The following HUNK variants were observed in gnomAD, a reference collection of about 807,000 sequenced individuals.
The protein encoded by HUNK is hormonally up-regulated neu tumor-associated kinase.
A neutral mutation model predicts 61.0 loss-of-function variants in HUNK; 21 were observed. The observed-to-expected ratio is 0.34, with a 90% CI of 0.24 to 0.50. The LOEUF is 0.50. HUNK is among the 20% of genes least tolerant of loss of function. The pLI, the probability that HUNK is intolerant of heterozygous loss-of-function variation, is 0.98. For missense variants in HUNK, 772 were observed against 945.7 expected (o/e 0.82, Z 2.41); for synonymous variants, 371 against 386.1 (o/e 0.96, Z 0.46).
chr21:31,917,754 ACACC>A (rs2052595351), intron 1 of HUNK, among the ~76,000 whole-genome samples: 2 of 126,482 alleles, frequency 1.6e-5, no homozygotes, highest in Non-Finnish European at 3.5e-5. Flanking sequence ...ACACACACAC[ACACC>A]CCTGGACTGA....
intron 7 of HUNK, among the ~76,000 whole-genome samples, chr21:31,979,205 G>T (rs555381325): frequency 1.2e-4 from 18 of 149,602 alleles, no homozygotes; most frequent in Admixed American, 6.1e-4. Flanking sequence ...TGCAACCTCT[G>T]CCTCCTGGAT....
chr21:31,955,294 A>G (rs1040797057), intron 4 of HUNK, among the ~76,000 whole-genome samples: 4 of 108,510 alleles, frequency 3.7e-5, no homozygotes, highest in African/African-American at 1.5e-4. Flanking sequence ...GCATTGATAA[A>G]GAAATACCAA....
intron 9 of HUNK, among the ~76,000 whole-genome samples, chr21:31,992,409 C>T (rs1341236785): frequency 6.6e-6 from 1 of 152,240 alleles, no homozygotes; most frequent in Non-Finnish European, 1.5e-5. Context: ...TGTCCGTGCA[C>T]ATCCGCAGTG....
chr21:31,968,001 T>A (rs997919042), intron 5 of HUNK, among the ~76,000 whole-genome samples: 1 of 152,152 alleles, frequency 6.6e-6, no homozygotes, highest in Non-Finnish European at 1.5e-5. Flanking sequence ...CTATGTGGTG[T>A]GTATTTTTTA....
chr21:31,877,087 A>G (rs1208457969), intron 1 of HUNK, among the ~76,000 whole-genome samples: 1 of 152,190 alleles, frequency 6.6e-6, no homozygotes, highest in Non-Finnish European at 1.5e-5. Context: ...AAAAAGCTGA[A>G]AGAGGGCATA....
At chr21:31,939,561 G>A (rs1359727946) in intron 2 of HUNK, among the ~76,000 whole-genome samples, 8 of 151,706 alleles carry the variant, frequency 5.3e-5, no homozygotes, top group Admixed American at 2.0e-4. Flanking sequence ...GGCATGCGCC[G>A]CCATGCCCAG....
Position 31,968,346 on chromosome 21 carries a change from A to C in HUNK, c.971A>C (p.Tyr324Ser), listed in dbSNP as rs1669442153. The C allele has an allele frequency of 6.2e-7, 1 of 1,614,134 alleles. No homozygotes were observed. The highest frequency in any genetic ancestry group is 8.5e-7 in the Non-Finnish European group (1 of 1,180,046). ...GCGAATCGCTGGCTTAATGAGAATT[A>C]CACGGGCAAAGTGCCCTGTAATGTC... ...ALANRWLNENYTGKVPCNVTY... is the reference protein window; with the variant it reads ...ALANRWLNENSTGKVPCNVTY... Residue 324 changes from tyrosine to serine, a missense_variant, in exon 6 of 11, where the codon TAC becomes TCC. Transcript: ENST00000270112.
chr21:31,904,150 C>G (rs2052489027), intron 1 of HUNK, among the ~76,000 whole-genome samples: 1 of 151,822 alleles, frequency 6.6e-6, no homozygotes, highest in African/African-American at 2.4e-5. Flanking sequence ...CATGGCTATT[C>G]ACCACAAAAG....
chr21:31,939,763 C>G (rs2052757658), intron 2 of HUNK, among the ~76,000 whole-genome samples: 1 of 146,510 alleles, frequency 6.8e-6, no homozygotes, highest in Non-Finnish European at 1.5e-5. Context: ...TCTGATGTTG[C>G]TCATAGTGTC....
intron 1 of HUNK, among the ~76,000 whole-genome samples, chr21:31,875,798 A>G (rs1404665636): frequency 6.6e-6 from 1 of 152,212 alleles, no homozygotes; most frequent in Non-Finnish European, 1.5e-5. Flanking sequence ...TCACAACGTC[A>G]TGGCAAACAC....
intron 5 of HUNK, among the ~76,000 whole-genome samples, chr21:31,966,199 T>C (rs2123847374): frequency 6.6e-6 from 1 of 152,334 alleles, no homozygotes; most frequent in Non-Finnish European, 1.5e-5. Context: ...CTTAGAATAA[T>C]GGTCTCCAAC....
intron 2 of HUNK, among the ~76,000 whole-genome samples, chr21:31,930,620 G>A (rs755256226): frequency 6.6e-6 from 1 of 152,218 alleles, no homozygotes; most frequent in Non-Finnish European, 1.5e-5. Context: ...CTTCTGCACA[G>A]GCCATAGCTT....
At chr21:31,892,354 T>A (rs983418960) in intron 1 of HUNK, among the ~76,000 whole-genome samples, 1 of 151,212 alleles carries the variant, frequency 6.6e-6, no homozygotes, top group South Asian at 2.1e-4. Flanking sequence ...TCACCTGAGA[T>A]CAGGAGTTCA....
chr21:31,972,378 C>G (rs1169072863), intron 6 of HUNK, among the ~76,000 whole-genome samples: 2 of 152,132 alleles, frequency 1.3e-5, no homozygotes, highest in African/African-American at 2.4e-5. Context: ...TTAAGTGATA[C>G]TTGAAAGCAT....
chr21:31,980,777 T>C (rs1225810593), intron 7 of HUNK, among the ~76,000 whole-genome samples: 1 of 152,042 alleles, frequency 6.6e-6, no homozygotes, highest in East Asian at 1.9e-4. Flanking sequence ...AGATCTCCAT[T>C]CATCGCAACC....
intron 1 of HUNK, among the ~76,000 whole-genome samples, chr21:31,899,480 A>G (rs560129449): frequency 1.3e-5 from 2 of 152,282 alleles, no homozygotes; most frequent in African/African-American, 4.8e-5. Flanking sequence ...CATCAGCTCT[A>G]TGGGATTAGG....
intron 8 of HUNK, among the ~76,000 whole-genome samples, chr21:31,984,419 GA>G (rs1418833640): frequency 6.6e-6 from 1 of 152,130 alleles, no homozygotes; most frequent in East Asian, 1.9e-4. Context: ...AGAAAAAAAT[GA>G]GATGCTTAAA....
Position 31,986,716 on chromosome 21 carries a change from G to T in HUNK, c.1257+3107G>T, listed in dbSNP as rs548413324. Among the ~76,000 whole-genome samples the T allele has an allele frequency of 4.6e-5, 7 of 152,248 alleles. No homozygotes were observed. In the South Asian group the frequency reaches 1.5e-3, roughly 32 times the overall value. On this transcript the variant is annotated intron_variant, in intron 8 of 10. Transcript: ENST00000270112. Reference sequence around the variant, plus strand: ...CGGGCTTGCTGTGCTCTCTCTGCCTGTGGGGGCTGTGCACATGCTGCTCCC... The same window carrying T: ...CGGGCTTGCTGTGCTCTCTCTGCCTTTGGGGGCTGTGCACATGCTGCTCCC...
intron 1 of HUNK, among the ~76,000 whole-genome samples, chr21:31,902,199 T>C (rs1190129440): frequency 6.6e-6 from 1 of 152,178 alleles, no homozygotes; most frequent in Non-Finnish European, 1.5e-5. Flanking sequence ...GGGAAACTTT[T>C]GGTTCACACA....
Sources: gnomAD v4.1 joint callset for allele counts (sites outside exome capture counted in the v4.1 genomes callset) on GRCh38, gnomAD v4.1.1 for gene constraint, MANE v1.5 for transcripts, NCBI Gene and HGNC (gene_info 2026-07-23, HGNC 2026-07-21) for gene names.